CPO: variants seen among roughly 807,000 people sequenced by gnomAD.
CPO encodes the protein carboxypeptidase O.
CPO carries 43 observed loss-of-function variants against 41.2 expected under a neutral mutation model. The ratio of observed to expected loss-of-function variants is 1.04; its 90% CI spans 0.82 to 1.35. The LOEUF is 1.35. Among genes scored for constraint, CPO ranks in the 40% most tolerant of loss-of-function variants. The pLI, the probability that CPO is intolerant of heterozygous loss-of-function variation, is 0.00. For missense variants in CPO, 408 were observed against 451.7 expected, an observed-to-expected ratio of 0.90 and a Z score of 0.88; for synonymous variants, 178 against 162.7, an observed-to-expected ratio of 1.09 and a Z score of -0.72.
intron 1 of CPO, among the ~76,000 whole-genome samples, chr2:206,940,973 G>A (rs1381012464): frequency 2.0e-5 from 3 of 151,924 alleles, no homozygotes; most frequent in Non-Finnish European, 2.9e-5. Flanking sequence ...CATGTACATA[G>A]GGCATTTATT....
intron 2 of CPO, among the ~76,000 whole-genome samples, chr2:206,950,176 T>G (rs1693224735): frequency 6.6e-6 from 1 of 152,162 alleles, no homozygotes; most frequent in South Asian, 2.1e-4. Flanking sequence ...TTTTTAAAAT[T>G]TTTATAATCT....
intron 7 of CPO, among the ~76,000 whole-genome samples, chr2:206,967,338 T>TAG (rs200120897): frequency 1.2e-5 from 1 of 80,498 alleles, no homozygotes; most frequent in Non-Finnish European, 2.9e-5. Context: ...ATGCTATATA[T>TAG]ATATATATAT....
chr2:206,967,344 T>G (rs543656611), intron 7 of CPO, among the ~76,000 whole-genome samples: 36 of 76,786 alleles, frequency 4.7e-4, no homozygotes, highest in Admixed American at 2.3e-3. Context: ...TATATATATA[T>G]ATATATAGAT....
At chr2:206,953,018 C>A (rs1029155824) in intron 2 of CPO, among the ~76,000 whole-genome samples, 1 of 152,158 alleles carries the variant, frequency 6.6e-6, no homozygotes, top group Non-Finnish European at 1.5e-5. Context: ...TTGTCTCCCA[C>A]CCCATGATTC....
intron 5 of CPO, among the ~76,000 whole-genome samples, chr2:206,959,998 A>G (rs1200726135): frequency 6.6e-6 from 1 of 152,116 alleles, no homozygotes; most frequent in African/African-American, 2.4e-5. Flanking sequence ...CTCCTCTTCC[A>G]TCTTCTTAAT....
intron 1 of CPO, among the ~76,000 whole-genome samples, chr2:206,940,321 G>A (rs967395697): frequency 6.6e-6 from 1 of 151,916 alleles, no homozygotes; most frequent in Non-Finnish European, 1.5e-5. Context: ...GAATTACTGG[G>A]TCAGTAACTG....
At chr2:206,959,397 TG>T (rs1693436168) in intron 4 of CPO, among the ~76,000 whole-genome samples, 1 of 151,928 alleles carries the variant, frequency 6.6e-6, no homozygotes, top group African/African-American at 2.4e-5. Flanking sequence ...AGGAGGTGAA[TG>T]GGGTAAGGGA....
chr2:206,965,947 T>C (rs1693568154), intron 7 of CPO, among the ~76,000 whole-genome samples: 1 of 152,156 alleles, frequency 6.6e-6, no homozygotes, highest in East Asian at 1.9e-4. Context: ...TTCGGTAGTC[T>C]GGGGGATTTC....
intron 6 of CPO, among the ~76,000 whole-genome samples, chr2:206,961,735 C>T (rs188154137): frequency 6.6e-6 from 1 of 152,170 alleles, no homozygotes; most frequent in East Asian, 1.9e-4. Context: ...ATGTCAGAAC[C>T]TTACCCAGGA....
At chr2:206,961,530 C>T (rs1337153000) in intron 6 of CPO, among the ~76,000 whole-genome samples, 1 of 152,072 alleles carries the variant, frequency 6.6e-6, no homozygotes, top group African/African-American at 2.4e-5. Context: ...CCTACCTTAT[C>T]AGTAGGTTGT....
At chr2:206,948,613 T>C (rs11894904) in intron 1 of CPO, among the ~76,000 whole-genome samples, 6,904 of 152,034 alleles carry the variant, frequency 0.045, 519 homozygotes, top group African/African-American at 0.16. Flanking sequence ...AAATTAAAAA[T>C]TAGCGGAGTG....
intron 6 of CPO, 41 bp from the exon 7 acceptor site, chr2:206,962,371 G>T: frequency 6.3e-7 from 1 of 1,577,706 alleles, no homozygotes; most frequent in South Asian, 1.1e-5. Flanking sequence ...TTTCCAAACT[G>T]AGATCATGCA....
At chr2:206,964,419 A>G (rs1289004005) in intron 7 of CPO, among the ~76,000 whole-genome samples, 1 of 152,226 alleles carries the variant, frequency 6.6e-6, no homozygotes, top group Non-Finnish European at 1.5e-5. Context: ...AATATATTAC[A>G]TTCACTTTGG....
Position 206,939,569 on chromosome 2 carries a change from C to A in CPO, c.-31C>A, listed in dbSNP as rs202076364. 1 of 1,594,720 alleles carries A rather than the reference C, an allele frequency of 6.3e-7. No homozygotes were observed. ...GACACTTGATCCACTGCCAGAGAGG[C>A]CCAGAATTTTCTAACTTACTGTGTG... is the stretch of plus-strand genomic sequence containing the variant. On this transcript the variant is annotated 5_prime_UTR_variant, in exon 1 of 9. Coordinates refer to ENST00000272852, the MANE Select transcript of CPO (RefSeq NM_173077.3).
At chr2:206,969,098 AG>A in intron 8 of CPO, 75 bp from the exon 9 acceptor site, 1 of 1,418,038 alleles carries the variant, frequency 7.1e-7, no homozygotes, top group Non-Finnish European at 9.9e-7. Flanking sequence ...GTGAACCTTT[AG>A]TTCCTGAAAT....
In CPO at chr2:206,955,492, G is replaced by A. The variant is rs745754098; in HGVS notation, c.195G>A (p.Glu65=). ...ATGAGTGGATGAGAGAGATCAGTGA[G>A]AAGTACAAGGAAGTGGTGACACAGC... is the stretch of plus-strand genomic sequence containing the variant. ...EIYEWMREIS[E]KYKEVVTQHF... Residue 65 remains glutamate (E), a synonymous_variant, in exon 3 of 9, where the codon GAG becomes GAA. Transcript: ENST00000272852. 12 of 1,610,850 alleles carry A rather than the reference G, an allele frequency of 7.4e-6. No homozygotes were observed. The South Asian group carries it at 1.3e-4, about 18-fold the overall frequency.
chr2:206,950,374 C>T (rs76996153), intron 2 of CPO, among the ~76,000 whole-genome samples: 1 of 152,226 alleles, frequency 6.6e-6, no homozygotes, highest in Non-Finnish European at 1.5e-5. Context: ...ATCAAAACAA[C>T]AATGAAATAC....
At chr2:206,967,053 G>C (rs1231596727) in intron 7 of CPO, among the ~76,000 whole-genome samples, 1 of 152,142 alleles carries the variant, frequency 6.6e-6, no homozygotes, top group African/African-American at 2.4e-5. Context: ...CAGTCAGGAA[G>C]CCCTGAGGGG....
At chr2:206,944,879 C>T (rs1169714114) in intron 1 of CPO, among the ~76,000 whole-genome samples, 1 of 152,016 alleles carries the variant, frequency 6.6e-6, no homozygotes, top group Non-Finnish European at 1.5e-5. Flanking sequence ...ATGACTGGAA[C>T]TTGCATTTTA....
Sources: gnomAD v4.1 joint callset for allele counts (sites outside exome capture counted in the v4.1 genomes callset) on GRCh38, gnomAD v4.1.1 for gene constraint, MANE v1.5 for transcripts, NCBI Gene and HGNC (gene_info 2026-07-23, HGNC 2026-07-21) for gene names.